PAPPA: variants seen among roughly 807,000 people sequenced by gnomAD.
PAPPA encodes the protein pappalysin 1.
Under a neutral mutation model 164.0 loss-of-function variants are expected in PAPPA, and 60 were observed. That is an observed-to-expected ratio of 0.37 (90% CI 0.30 to 0.45). The LOEUF is 0.45. PAPPA is among the 20% of genes least tolerant of loss of function. The probability of loss-of-function intolerance (pLI) is 1.00; values close to 1 mark genes in which losing one functional copy is unlikely to be tolerated. For synonymous variants in PAPPA, 875 were observed against 814.1 expected, an observed-to-expected ratio of 1.07 and a Z score of -1.27; for missense variants, 1,782 against 2,087.3, an observed-to-expected ratio of 0.85 and a Z score of 2.85.
intron 13 of PAPPA, among the ~76,000 whole-genome samples, chr9:116,337,441 G>A (rs1846075808): frequency 6.6e-6 from 1 of 152,154 alleles, no homozygotes; most frequent in African/African-American, 2.4e-5. Context: ...AGAAAAATAA[G>A]CAACAACTGT....
intron 21 of PAPPA, among the ~76,000 whole-genome samples, chr9:116,385,839 T>C (rs1394158043): frequency 6.6e-6 from 1 of 152,236 alleles, no homozygotes; most frequent in Non-Finnish European, 1.5e-5. Context: ...TGGACAGTAT[T>C]TCTGCCCTTG....
intron 8 of PAPPA, among the ~76,000 whole-genome samples, chr9:116,269,005 T>C (rs1391723947): frequency 6.6e-6 from 1 of 152,178 alleles, no homozygotes; most frequent in East Asian, 1.9e-4. Context: ...CCTTAATGGA[T>C]GAGTGCTGTC....
intron 9 of PAPPA, among the ~76,000 whole-genome samples, chr9:116,293,200 G>A (rs1845458447): frequency 6.6e-6 from 1 of 152,222 alleles, no homozygotes; most frequent in Non-Finnish European, 1.5e-5. Context: ...ATCATAGAAA[G>A]AGAGATGTGG....
intron 9 of PAPPA, among the ~76,000 whole-genome samples, chr9:116,272,437 C>T (rs1236381105): frequency 6.6e-6 from 1 of 152,220 alleles, no homozygotes; most frequent in Admixed American, 6.5e-5. Flanking sequence ...ATTGCATCCT[C>T]GCATCTGCAG....
chr9:116,305,134 G>GACACACACACAC lies in PAPPA; in HGVS notation c.3147+2215_3147+2226dup, dbSNP rs57723920. On this transcript the variant is annotated intron_variant, in intron 10 of 21. Transcript: ENST00000328252. ...GCATACACAAGTACGTGGGCACACAGACACACACACACACACACACACACA... is the reference window on the plus strand; with the variant it reads ...GCATACACAAGTACGTGGGCACACAGACACACACACACACACACACACACACACACACACACA... Among the ~76,000 whole-genome samples, 1,282 of 129,932 alleles carry GACACACACACAC rather than the reference G, an allele frequency of 9.9e-3. 38 individuals are homozygous for GACACACACACAC. Among genetic ancestry groups the GACACACACACAC allele is most frequent in the African/African-American group, 0.035 (1,161 of 32,768 alleles). 85.2% of individuals were successfully genotyped at this position (129,932 alleles called of 152,430 possible). A position where few individuals can be genotyped will look rare whatever the true frequency, so the allele number is the denominator to read the frequency against.
intron 9 of PAPPA, among the ~76,000 whole-genome samples, chr9:116,281,138 G>A (rs914471452): frequency 6.6e-6 from 1 of 152,230 alleles, no homozygotes; most frequent in Non-Finnish European, 1.5e-5. Context: ...ATGGTAGGGT[G>A]TGCATAGGTC....
In PAPPA at chr9:116,265,958, G is replaced by T; in HGVS notation, c.2834G>T (p.Gly945Val). The change falls in exon 8 of 22, where the codon GGG (glycine) becomes GTG (valine). Residue 945 changes from glycine (G) to valine (V), a missense_variant. Gly to Val is a moderately radical substitution (Grantham distance 109). Coordinates refer to ENST00000328252, the MANE Select transcript of PAPPA (RefSeq NM_002581.5). Reference sequence around the variant, plus strand: ...GCTGTCACATACATCCATGGAAGTGGGTACTGTGGCGATGGCATTATACAA... The same window carrying T: ...GCTGTCACATACATCCATGGAAGTGTGTACTGTGGCGATGGCATTATACAA... ...SPAVTYIHGSGYCGDGIIQKD... is the reference protein window; with the variant it reads ...SPAVTYIHGSVYCGDGIIQKD... 1 of 1,611,764 alleles carries T rather than the reference G, an allele frequency of 6.2e-7. No individual in the cohort carries two copies. Among genetic ancestry groups the T allele is most frequent in the South Asian group, 1.1e-5 (1 of 90,902 alleles).
chr9:116,330,411 T>A (rs1014247467), intron 10 of PAPPA, among the ~76,000 whole-genome samples: 4 of 152,078 alleles, frequency 2.6e-5, no homozygotes, highest in African/African-American at 9.7e-5. Flanking sequence ...TATCATTTTG[T>A]CCCAGAGTGT....
At chr9:116,258,137 A>G (rs903638895) in intron 7 of PAPPA, among the ~76,000 whole-genome samples, 1 of 152,064 alleles carries the variant, frequency 6.6e-6, no homozygotes, top group Admixed American at 6.5e-5. Context: ...ACACAGTATC[A>G]TAAAAATGCC....
intron 1 of PAPPA, among the ~76,000 whole-genome samples, chr9:116,182,368 T>C (rs1364203942): frequency 1.3e-5 from 2 of 152,212 alleles, no homozygotes; most frequent in Non-Finnish European, 2.9e-5. Flanking sequence ...GGATGTTAGG[T>C]ATTTATAAAT....
At chr9:116,392,549 C>T (rs1846907956) in intron 21 of PAPPA, among the ~76,000 whole-genome samples, 1 of 152,214 alleles carries the variant, frequency 6.6e-6, no homozygotes. Flanking sequence ...CCGCTTGAGC[C>T]TGCATGAACA....
intron 9 of PAPPA, among the ~76,000 whole-genome samples, chr9:116,292,719 A>G (rs913665705): frequency 2.1e-4 from 32 of 152,318 alleles, no homozygotes; most frequent in Non-Finnish European, 3.4e-4. Context: ...AGAAGAGGTC[A>G]TATCTAAGGC....
intron 8 of PAPPA, among the ~76,000 whole-genome samples, chr9:116,267,323 A>T (rs987329153): frequency 6.6e-6 from 1 of 152,280 alleles, no homozygotes. Context: ...CAGTAATGCA[A>T]GTGAAAAGAG....
chr9:116,164,073 G>A (rs1047679364), intron 1 of PAPPA, among the ~76,000 whole-genome samples: 1 of 152,076 alleles, frequency 6.6e-6, no homozygotes, highest in Non-Finnish European at 1.5e-5. Flanking sequence ...TAATTTCTTA[G>A]GATATAAAGG....
rs182619325 is a variant in PAPPA at position 116,233,862 on chromosome 9, C to A, written c.2234-1277C>A. On this transcript the variant is annotated intron_variant, in intron 6 of 21. Coordinates refer to ENST00000328252, the MANE Select transcript of PAPPA (RefSeq NM_002581.5). ...TCAGAAATGTCTAGGGTCACCACCA[C>A]CCTCCCAACCAACCACTGAGGCTGA... Among the ~76,000 whole-genome samples the A allele has an allele frequency of 5.9e-5, 9 of 152,030 alleles. No homozygotes were observed. In the East Asian group the frequency reaches 1.7e-3, roughly 29 times the overall value.
At position 116,272,370 on chromosome 9, in the gene PAPPA, C is replaced by T. The variant is rs986643733; in HGVS notation, c.2953+954C>T. ...GCAGTTACAAGCGGATGAAAACCTT[C>T]GTGGGAAGATTTCTCACTGACAGGC... On this transcript the variant is annotated intron_variant, in intron 9 of 21. Coordinates refer to ENST00000328252, the MANE Select transcript of PAPPA (RefSeq NM_002581.5). 7.2e-5 allele frequency among the ~76,000 whole-genome samples: 11 copies of T among 152,280 alleles called. No homozygotes were observed. In the East Asian group the frequency reaches 1.4e-3, roughly 19 times the overall value.
intron 2 of PAPPA, among the ~76,000 whole-genome samples, chr9:116,197,114 C>T (rs1308869528): frequency 1.3e-5 from 2 of 152,198 alleles, no homozygotes; most frequent in Non-Finnish European, 2.9e-5. Flanking sequence ...TGAAGTATGA[C>T]ACTTTTCTTC....
At chr9:116,220,462 G>C (rs1034498767) in intron 5 of PAPPA, among the ~76,000 whole-genome samples, 11 of 149,060 alleles carry the variant, frequency 7.4e-5, no homozygotes, top group Non-Finnish European at 3.0e-5. Flanking sequence ...GTGATTGCCT[G>C]GGCAAAAACA....
chr9:116,162,788 A>G (rs906556035), intron 1 of PAPPA, among the ~76,000 whole-genome samples: 3 of 152,136 alleles, frequency 2.0e-5, no homozygotes, highest in Non-Finnish European at 4.4e-5. Flanking sequence ...AATCTCAATA[A>G]CTCTAGGAGT....
Sources: gnomAD v4.1 joint callset for allele counts (sites outside exome capture counted in the v4.1 genomes callset) on GRCh38, gnomAD v4.1.1 for gene constraint, MANE v1.5 for transcripts, NCBI Gene and HGNC (gene_info 2026-07-23, HGNC 2026-07-21) for gene names.